Variants in MYOF observed in about 807,000 individuals in gnomAD.
MYOF encodes fer-1-like 3, myoferlin.
MYOF carries 244 observed loss-of-function variants against 284.2 expected under a neutral mutation model. That is an observed-to-expected ratio of 0.86 (90% confidence interval 0.77 to 0.95). The LOEUF (loss-of-function observed/expected upper bound fraction) is 0.95, where lower values mean the gene tolerates loss of function less well. Among genes scored for constraint, MYOF ranks in the 40% least tolerant of loss-of-function variants. The probability of loss-of-function intolerance (pLI) is 0.00; values close to 1 mark genes in which losing one functional copy is unlikely to be tolerated. For missense variants in MYOF, 2,496 were observed against 2,560.6 expected, an observed-to-expected ratio of 0.97 and a Z score of 0.54; for synonymous variants, 904 against 919.7, an observed-to-expected ratio of 0.98 and a Z score of 0.31.
intron 16 of MYOF, among the ~76,000 whole-genome samples, chr10:93,394,885 A>G (rs1267516836): frequency 1.3e-5 from 2 of 150,620 alleles, no homozygotes; most frequent in Non-Finnish European, 3.0e-5. Context: ...ATACATACAT[A>G]TAGTGTGTAT....
At chr10:93,408,033 AG>A (rs1443504398) in intron 7 of MYOF, among the ~76,000 whole-genome samples, 3 of 152,108 alleles carry the variant, frequency 2.0e-5, no homozygotes, top group African/African-American at 7.2e-5. Context: ...CCACTGACAG[AG>A]GGGACCAGGT....
intron 3 of MYOF, among the ~76,000 whole-genome samples, chr10:93,438,527 C>A (rs2056142534): frequency 6.6e-6 from 1 of 152,158 alleles, no homozygotes; most frequent in Non-Finnish European, 1.5e-5. Flanking sequence ...GAATGTGCTT[C>A]CCCAGACGTC....
At chr10:93,408,319 G>T (rs1847717376) in intron 7 of MYOF, among the ~76,000 whole-genome samples, 1 of 152,118 alleles carries the variant, frequency 6.6e-6, no homozygotes, top group African/African-American at 2.4e-5. Flanking sequence ...TTGGCGGGTG[G>T]ATCACTTGAG....
intron 49 of MYOF, among the ~76,000 whole-genome samples, chr10:93,318,897 G>T (rs1236587087): frequency 1.3e-5 from 2 of 152,170 alleles, no homozygotes; most frequent in African/African-American, 4.8e-5. Flanking sequence ...AGAATGTGGA[G>T]GCAGGAATGG....
chr10:93,468,475 G>A (rs2057061930), intron 1 of MYOF, among the ~76,000 whole-genome samples: 1 of 152,244 alleles, frequency 6.6e-6, no homozygotes, highest in Admixed American at 6.5e-5. Flanking sequence ...CAAGCTTTGG[G>A]AGGATCCAGT....
intron 40 of MYOF, among the ~76,000 whole-genome samples, chr10:93,337,017 G>A (rs970165964): frequency 5.1e-4 from 77 of 152,062 alleles, no homozygotes; most frequent in African/African-American, 1.8e-3. Flanking sequence ...GGAGGATGGA[G>A]TGTGAGGCTG....
chr10:93,482,002 G>T, intron 1 of MYOF, 105 bp downstream of exon 1: 1 of 1,077,838 alleles, frequency 9.3e-7, no homozygotes, highest in Non-Finnish European at 1.4e-6. Flanking sequence ...CTGCTGGAGA[G>T]ACTTGGCTTC....
intron 37 of MYOF, 25 bp from the exon 38 acceptor site, chr10:93,343,957 C>A (rs1186114757): frequency 6.2e-7 from 1 of 1,613,342 alleles, no homozygotes; most frequent in African/African-American, 1.3e-5. Flanking sequence ...CTTTCTTAAT[C>A]TAAGATACTT....
chr10:93,395,844 G>A (rs1031348388), intron 16 of MYOF, among the ~76,000 whole-genome samples: 7 of 151,442 alleles, frequency 4.6e-5, no homozygotes, highest in Non-Finnish European at 7.4e-5. Flanking sequence ...TATTGGGAAA[G>A]AAGTTTTGGA....
At chr10:93,456,776 T>C (rs1332779349) in intron 2 of MYOF, 106 bp downstream of exon 2, 6 of 813,316 alleles carry the variant, frequency 7.4e-6, no homozygotes, top group African/African-American at 1.7e-5. Flanking sequence ...GGGGGTGAAA[T>C]GTAGAGATTC....
intron 6 of MYOF, 109 bp downstream of exon 6, chr10:93,409,464 G>C: frequency 7.8e-7 from 1 of 1,282,114 alleles, no homozygotes; most frequent in Non-Finnish European, 1.1e-6. Flanking sequence ...TCTCTTTACC[G>C]GTTGAGCCAT....
intron 2 of MYOF, among the ~76,000 whole-genome samples, chr10:93,452,858 C>T (rs2056633669): frequency 6.6e-6 from 1 of 151,962 alleles, no homozygotes; most frequent in South Asian, 2.1e-4. Flanking sequence ...TTCTAAAATG[C>T]CTCTCATTTT....
chr10:93,338,038 A>C, intron 39 of MYOF, 125 bp from the exon 40 acceptor site: 1 of 720,806 alleles, frequency 1.4e-6, no homozygotes, highest in Non-Finnish European at 2.4e-6. Flanking sequence ...GTGAGATTAT[A>C]TGACTTTTGT....
At chr10:93,342,588 T>C (rs1357459351) in intron 38 of MYOF, among the ~76,000 whole-genome samples, 1 of 152,344 alleles carries the variant, frequency 6.6e-6, no homozygotes, top group East Asian at 1.9e-4. Flanking sequence ...TACAGTAACA[T>C]AGTCACATTT....
rs545671741 is a variant in MYOF at position 93,349,847 on chromosome 10, C to CT, written c.4043dup (p.Thr1349AspfsTer55). 1.7e-4 allele frequency: 267 copies of CT among 1,614,040 alleles called. 2 individuals carry two copies. In the South Asian group the frequency reaches 2.9e-3, roughly 17 times the overall value. On this transcript the variant is annotated frameshift_variant, in exon 36 of 54. Coordinates refer to ENST00000359263, the MANE Select transcript of MYOF (RefSeq NM_013451.4). LOFTEE classifies it high-confidence loss of function. ...GAACAGAACTTGGAAAGTTGGGTGTCTTCTTAAGGTTTTTGATCACCACCG... is the reference window on the plus strand; with the variant it reads ...GAACAGAACTTGGAAAGTTGGGTGTCTTTCTTAAGGTTTTTGATCACCACCG...
At chr10:93,355,488 A>T in intron 31 of MYOF, 140 bp downstream of exon 31, 1 of 553,328 alleles carries the variant, frequency 1.8e-6, no homozygotes, top group Non-Finnish European at 3.2e-6. Flanking sequence ...CAGGAGGCTG[A>T]GGCAGGAGAA....
intron 43 of MYOF, among the ~76,000 whole-genome samples, chr10:93,330,973 G>T (rs1262045826): frequency 6.6e-6 from 1 of 152,200 alleles, no homozygotes; most frequent in Admixed American, 6.5e-5. Context: ...TCTCTGGAAA[G>T]AATTCTTCAG....
chr10:93,344,860 G>A (rs2133862950), intron 37 of MYOF, among the ~76,000 whole-genome samples: 1 of 151,642 alleles, frequency 6.6e-6, no homozygotes, highest in Non-Finnish European at 1.5e-5. Flanking sequence ...TGCAGAGGGA[G>A]AAGACACATG....
intron 5 of MYOF, among the ~76,000 whole-genome samples, chr10:93,420,087 C>T (rs1848296120): frequency 6.6e-6 from 1 of 152,086 alleles, no homozygotes. Context: ...GAGCTGAGAT[C>T]ACTGGGCAAC....
Sources: allele counts gnomAD v4.1 joint callset (sites outside exome capture counted in the v4.1 genomes callset), GRCh38; gene constraint gnomAD v4.1.1; transcripts MANE v1.5; gene names NCBI Gene and HGNC (gene_info 2026-07-23, HGNC 2026-07-21).